The following SCAND3 variants were observed in gnomAD, a reference collection of about 807,000 sequenced individuals.
SCAND3 encodes SCAN domain containing 3.
the SCAND3 span, among the ~76,000 whole-genome samples, chr6:28,582,256 G>T: frequency 1.3e-5 from 2 of 152,152 alleles, no homozygotes; most frequent in African/African-American, 4.8e-5. This position sits in a 1 kb window ranked among gnomAD's most constrained non-coding sequence, Gnocchi z 4.8. Context: ...AGATTGTTTT[G>T]TGATTTTTTT....
At chr6:28,593,789 C>T in the SCAND3 span, 2 of 152,164 alleles carry the variant, frequency 1.3e-5, no homozygotes, top group Non-Finnish European at 2.9e-5. Context: ...CACTCAGCCT[C>T]AACCTCCTGG....
At chr6:28,607,420 G>A in the SCAND3 span, among the ~76,000 whole-genome samples, 26 of 151,950 alleles carry the variant, frequency 1.7e-4, 1 homozygote, top group African/African-American at 6.3e-4. Context: ...AAGCATTTTC[G>A]CAAATTAATC....
At chr6:28,603,015 T>G in the SCAND3 span, among the ~76,000 whole-genome samples, 1 of 136,584 alleles carries the variant, frequency 7.3e-6, no homozygotes, top group South Asian at 2.3e-4. Context: ...CAGGCTGGAG[T>G]GCAGTGGCGC....
the SCAND3 span, among the ~76,000 whole-genome samples, chr6:28,601,525 T>C: frequency 1.3e-5 from 2 of 152,172 alleles, no homozygotes; most frequent in Admixed American, 1.3e-4. Flanking sequence ...ACTCTTGTTT[T>C]GAGGGGAGAA....
At chr6:28,612,737 T>C in the SCAND3 span, among the ~76,000 whole-genome samples, 3 of 152,256 alleles carry the variant, frequency 2.0e-5, no homozygotes, top group Non-Finnish European at 4.4e-5. Context: ...TTGTCCACTA[T>C]ATACATAGTA....
At chr6:28,603,225 T>G in the SCAND3 span, among the ~76,000 whole-genome samples, 1 of 152,188 alleles carries the variant, frequency 6.6e-6, no homozygotes, top group Non-Finnish European at 1.5e-5. Flanking sequence ...CCCAAAGTGC[T>G]GGGATTACAG....
chr6:28,608,868 A>G, the SCAND3 span, among the ~76,000 whole-genome samples: 1 of 151,810 alleles, frequency 6.6e-6, no homozygotes, highest in African/African-American at 2.4e-5. Context: ...GCATGCCTGT[A>G]TTCCCAGCTA....
At chr6:28,571,673 ATATTT>A in the SCAND3 span, 3 of 409,248 alleles carry the variant, frequency 7.3e-6, no homozygotes, top group Non-Finnish European at 1.3e-5. Context: ...ATTTAAAATT[ATATTT>A]TAATAAATAC....
the SCAND3 span, among the ~76,000 whole-genome samples, chr6:28,614,931 A>G: frequency 6.6e-6 from 1 of 152,242 alleles, no homozygotes; most frequent in Admixed American, 6.5e-5. Flanking sequence ...TTTTAAAACA[A>G]TATGTTCAAG....
chr6:28,575,893 C>T, the SCAND3 span: 8 of 1,613,850 alleles, frequency 5.0e-6, no homozygotes, highest in Admixed American at 1.7e-5. The surrounding 1 kb of genome is among the most constrained non-coding windows in gnomAD (Gnocchi z 4.2). Context: ...AGCCAAGCGA[C>T]GGTAGTCAAC....
the SCAND3 span, chr6:28,572,531 G>T: frequency 6.2e-7 from 1 of 1,613,820 alleles, no homozygotes. The surrounding 1 kb of genome is among the most constrained non-coding windows in gnomAD (Gnocchi z 4.1). Flanking sequence ...TTCTTCCCTT[G>T]CATAGAAGCA....
the SCAND3 span, chr6:28,597,850 G>T: frequency 1.3e-5 from 2 of 152,070 alleles, no homozygotes; most frequent in Non-Finnish European, 2.9e-5. Context: ...AAACTACAAC[G>T]AACAATAAAC....
At chr6:28,589,616 A>T in the SCAND3 span, 1 of 152,224 alleles carries the variant, frequency 6.6e-6, no homozygotes, top group African/African-American at 2.4e-5. Flanking sequence ...TCTTTCGCCT[A>T]GAAGAACGCT....
At chr6:28,605,652 T>G in the SCAND3 span, among the ~76,000 whole-genome samples, 1 of 133,170 alleles carries the variant, frequency 7.5e-6, no homozygotes, top group Admixed American at 8.5e-5. Context: ...GCCAACATGG[T>G]GAAACCCCGC....
chr6:28,576,100 A>G, the SCAND3 span: 1 of 1,595,802 alleles, frequency 6.3e-7, no homozygotes. Flanking sequence ...ATCACCACCC[A>G]TGCTTTGAGA....
At chr6:28,572,192 C>T in the SCAND3 span, 48 of 1,613,888 alleles carry the variant, frequency 3.0e-5, no homozygotes, top group Middle Eastern at 1.6e-4. This position sits in a 1 kb window ranked among gnomAD's most constrained non-coding sequence, Gnocchi z 4.1. Context: ...AATCCTTCGT[C>T]GGTAGCCAGC....
the SCAND3 span, among the ~76,000 whole-genome samples, chr6:28,615,423 C>T: frequency 2.6e-5 from 4 of 151,922 alleles, no homozygotes; most frequent in Non-Finnish European, 5.9e-5. Flanking sequence ...AAACCAGCCT[C>T]GCCAACATGG....
chr6:28,572,322 A>G, the SCAND3 span: 1 of 1,598,820 alleles, frequency 6.3e-7, no homozygotes, highest in Non-Finnish European at 8.5e-7. The surrounding 1 kb of genome is among the most constrained non-coding windows in gnomAD (Gnocchi z 4.1). Flanking sequence ...AATAAAATTC[A>G]AAACATTCTA....
the SCAND3 span, chr6:28,575,007 T>C: frequency 6.2e-7 from 1 of 1,614,054 alleles, no homozygotes. This position sits in a 1 kb window ranked among gnomAD's most constrained non-coding sequence, Gnocchi z 4.2. Flanking sequence ...CAATGTTTTC[T>C]TCATACTGGG....
Sources: allele counts gnomAD v4.1 joint callset (sites outside exome capture counted in the v4.1 genomes callset), GRCh38; gene constraint gnomAD v4.1.1; non-coding constraint Gnocchi (gnomAD v3.1); transcripts MANE v1.5; gene names NCBI Gene and HGNC (gene_info 2026-07-23, HGNC 2026-07-21).